BNIP3L: variants seen among roughly 807,000 people sequenced by gnomAD.
BNIP3L encodes the protein BCL2 interacting protein 3 like.
A neutral mutation model predicts 25.5 loss-of-function variants in BNIP3L; 10 were observed. The observed-to-expected ratio is 0.39, with a 90% confidence interval of 0.24 to 0.67. BNIP3L has a LOEUF of 0.67. BNIP3L is among the 30% of genes least tolerant of loss of function. BNIP3L has a pLI of 0.45. For missense variants in BNIP3L, 215 were observed against 270.9 expected (o/e 0.79, Z 1.45); for synonymous variants, 113 against 101.2 (o/e 1.12, Z -0.70).
chr8:26,405,705 A>G (rs1806483861), intron 3 of BNIP3L, among the ~76,000 whole-genome samples: 1 of 152,138 alleles, frequency 6.6e-6, no homozygotes, highest in African/African-American at 2.4e-5. Flanking sequence ...AATGCTTCTT[A>G]GTTTTGAGAC....
intron 5 of BNIP3L, 129 bp from the exon 6 acceptor site, chr8:26,410,235 G>A (rs921388669): frequency 3.1e-6 from 3 of 961,182 alleles, no homozygotes; most frequent in Non-Finnish European, 4.7e-6. Flanking sequence ...CGGTGTTTGG[G>A]GAGCGGTACC....
At chr8:26,407,965 C>G (rs1806537103) in intron 3 of BNIP3L, 35 bp from the exon 4 acceptor site, 1 of 1,591,778 alleles carries the variant, frequency 6.3e-7, no homozygotes, top group East Asian at 2.2e-5. Context: ...AATTGGTCTT[C>G]CTTTTTTTCT....
At chr8:26,405,579 C>G (rs1410128545) in intron 3 of BNIP3L, among the ~76,000 whole-genome samples, 1 of 152,178 alleles carries the variant, frequency 6.6e-6, no homozygotes, top group Admixed American at 6.5e-5. Context: ...AGAACTAGAC[C>G]TGTCAAGAGT....
intron 1 of BNIP3L, chr8:26,390,664 A>G (rs1488271465): frequency 1.4e-6 from 1 of 722,788 alleles, no homozygotes; most frequent in Non-Finnish European, 1.7e-6. Flanking sequence ...CATTAATTTT[A>G]TGCTCCTGAT....
chr8:26,391,560 TATTG>T, intron 2 of BNIP3L, 134 bp downstream of exon 2: 1 of 686,740 alleles, frequency 1.5e-6, no homozygotes, highest in Non-Finnish European at 2.2e-6. Flanking sequence ...GTATAATATA[TATTG>T]CACAGATATA....
chr8:26,384,815 A>G (rs1413850863), intron 1 of BNIP3L, among the ~76,000 whole-genome samples: 1 of 144,118 alleles, frequency 6.9e-6, no homozygotes. Context: ...CTTCTGCCTC[A>G]GCCTCCCGAG....
At chr8:26,388,186 T>G (rs552247071) in intron 1 of BNIP3L, among the ~76,000 whole-genome samples, 1 of 152,194 alleles carries the variant, frequency 6.6e-6, no homozygotes, top group Non-Finnish European at 1.5e-5. Flanking sequence ...TGTACTGATG[T>G]TTACGTTTTC....
At chr8:26,386,589 C>T (rs979069713) in intron 1 of BNIP3L, among the ~76,000 whole-genome samples, 10 of 152,110 alleles carry the variant, frequency 6.6e-5, no homozygotes, top group African/African-American at 2.4e-4. Flanking sequence ...TGTGCACCCC[C>T]ACATCCAGCT....
chr8:26,389,269 A>G (rs1297220484), intron 1 of BNIP3L, among the ~76,000 whole-genome samples: 2 of 152,176 alleles, frequency 1.3e-5, no homozygotes, highest in East Asian at 3.8e-4. Context: ...AGTCAGAAAA[A>G]AAAACTGTTT....
chr8:26,406,035 T>G (rs932289774), intron 3 of BNIP3L, among the ~76,000 whole-genome samples: 1 of 152,132 alleles, frequency 6.6e-6, no homozygotes, highest in Non-Finnish European at 1.5e-5. Context: ...AGAGCGAGAC[T>G]CCGTCTCAAA....
chr8:26,409,473 C>T (rs889492355), intron 5 of BNIP3L, among the ~76,000 whole-genome samples: 2 of 152,118 alleles, frequency 1.3e-5, no homozygotes, highest in African/African-American at 2.4e-5. Flanking sequence ...TCCACACACC[C>T]GTCTTGTCTC....
rs1806645238 is a variant in BNIP3L, at chr8:26,412,230, T to C, written c.*1818T>C. ...AACCTATTTATTTCAAGTGTTCATA[T>C]TTGAATTTCTTTGGGAAGAAAGTAA... On this transcript the variant is annotated 3_prime_UTR_variant, in exon 6 of 6. Coordinates refer to ENST00000380629, the MANE Select transcript of BNIP3L (RefSeq NM_004331.3). 6.6e-6 allele frequency: 1 copy of C among 152,240 alleles called. No individual in the cohort carries two copies. The highest frequency in any genetic ancestry group is 2.4e-5 in the African/African-American group (1 of 41,454). 9.4% of individuals were successfully genotyped at this position (152,240 alleles called of 1,614,324 possible). A position where few individuals can be genotyped will look rare whatever the true frequency, so the allele number is the denominator to read the frequency against.
At chr8:26,404,715 C>CCAGGCTGGT (rs1253175291) in intron 3 of BNIP3L, among the ~76,000 whole-genome samples, 1 of 152,138 alleles carries the variant, frequency 6.6e-6, no homozygotes, top group Admixed American at 6.6e-5. Flanking sequence ...GCCGTGCTGG[C>CCAGGCTGGT]CAGGCTGGTC....
chr8:26,386,506 C>T (rs931922744), intron 1 of BNIP3L, among the ~76,000 whole-genome samples: 1 of 152,072 alleles, frequency 6.6e-6, no homozygotes, highest in African/African-American at 2.4e-5. Context: ...ACAGTCATAG[C>T]TCATGGCAGC....
chr8:26,386,954 A>C (rs1806005601), intron 1 of BNIP3L, among the ~76,000 whole-genome samples: 1 of 152,164 alleles, frequency 6.6e-6, no homozygotes, highest in Non-Finnish European at 1.5e-5. Context: ...TTTCAGCATC[A>C]GGTTGGCCTG....
At chr8:26,386,009 G>A (rs562664239) in intron 1 of BNIP3L, among the ~76,000 whole-genome samples, 14 of 152,136 alleles carry the variant, frequency 9.2e-5, no homozygotes, top group Non-Finnish European at 2.1e-4. Flanking sequence ...TATCCAAATT[G>A]CTGATAAGTC....
At chr8:26,407,286 C>T (rs1034155668) in intron 3 of BNIP3L, among the ~76,000 whole-genome samples, 26 of 151,184 alleles carry the variant, frequency 1.7e-4, no homozygotes, top group African/African-American at 6.1e-4. Context: ...CCTGGGTTCA[C>T]GCCATTCTCC....
rs903696833 is a variant in BNIP3L at position 26,383,069 on chromosome 8, T to C, written c.-62T>C. The C allele has an allele frequency of 2.1e-6, 3 of 1,454,252 alleles. No homozygotes were observed. The highest frequency in any genetic ancestry group is 1.2e-5 in the South Asian group (1 of 81,794). 90.1% of individuals were successfully genotyped at this position (1,454,252 alleles called of 1,614,324 possible). Reference sequence around the variant, plus strand: ...AGGGGGCGGCGGACTCGGCTTGTTGTGTTGCTGCCTGAGTGCCGGAGACGG... The same window carrying C: ...AGGGGGCGGCGGACTCGGCTTGTTGCGTTGCTGCCTGAGTGCCGGAGACGG... On this transcript the variant is annotated 5_prime_UTR_variant, in exon 1 of 6. Coordinates refer to ENST00000380629, the MANE Select transcript of BNIP3L (RefSeq NM_004331.3).
In BNIP3L at chr8:26,412,758, CA is replaced by C. The variant is rs1236410758; in HGVS notation, c.*2347del. On this transcript the variant is annotated 3_prime_UTR_variant, in exon 6 of 6. Transcript: ENST00000380629. ...TGAGGTTAATGTTTAAAAAGCTTTA[CA>C]CCTGTTTACAATTTGGGGACAAAAA... 2.0e-5 allele frequency: 3 copies of C among 152,576 alleles called. No homozygotes were observed. The highest frequency in any genetic ancestry group is 4.4e-5 in the Non-Finnish European group (3 of 68,024). 9.5% of individuals were successfully genotyped at this position (152,576 alleles called of 1,614,324 possible).
Sources: allele counts gnomAD v4.1 joint callset (sites outside exome capture counted in the v4.1 genomes callset), GRCh38; gene constraint gnomAD v4.1.1; transcripts MANE v1.5; gene names NCBI Gene and HGNC (gene_info 2026-07-23, HGNC 2026-07-21).